The following C12orf42 variants were observed in gnomAD, a reference collection of about 807,000 sequenced individuals.
The protein encoded by C12orf42 is uncharacterized protein C12orf42.
A neutral mutation model predicts 21.6 loss-of-function variants in C12orf42; 25 were observed. That is an observed-to-expected ratio of 1.16 (90% confidence interval 0.84 to 1.62). The LOEUF (loss-of-function observed/expected upper bound fraction) is 1.62. C12orf42 is among the 40% of genes most tolerant of loss of function. The probability of loss-of-function intolerance (pLI) is 0.00; values close to 1 mark genes in which losing one functional copy is unlikely to be tolerated. For synonymous variants in C12orf42, 174 were observed against 175.0 expected, an observed-to-expected ratio of 0.99 and a Z score of 0.05; for missense variants, 483 against 459.3, an observed-to-expected ratio of 1.05 and a Z score of -0.47.
the C12orf42 span, among the ~76,000 whole-genome samples, chr12:103,147,321 C>A: frequency 6.6e-6 from 1 of 151,974 alleles, no homozygotes; most frequent in African/African-American, 2.4e-5. Flanking sequence ...TTTTCTAATT[C>A]AGTTGCCTAG....
intron 2 of C12orf42, among the ~76,000 whole-genome samples, chr12:103,467,163 T>A (rs1230803639): frequency 6.6e-6 from 1 of 152,200 alleles, no homozygotes; most frequent in Non-Finnish European, 1.5e-5. Flanking sequence ...AGCATTCTCC[T>A]TCTCTGTGGA....
intron 4 of C12orf42, among the ~76,000 whole-genome samples, chr12:103,327,130 G>A (rs759970174): frequency 5.3e-5 from 8 of 152,160 alleles, no homozygotes; most frequent in Non-Finnish European, 1.0e-4. Context: ...GAGATCCCAG[G>A]TTCCTGGAAT....
At chr12:103,141,330 C>A in the C12orf42 span, among the ~76,000 whole-genome samples, 1 of 151,782 alleles carries the variant, frequency 6.6e-6, no homozygotes, top group Non-Finnish European at 1.5e-5. Context: ...AGTAAAGAAC[C>A]CCAAATATAA....
chr12:103,306,778 T>A (rs982162593), intron 4 of C12orf42, among the ~76,000 whole-genome samples: 3 of 152,156 alleles, frequency 2.0e-5, no homozygotes, highest in Admixed American at 6.5e-5. Flanking sequence ...TGACCTTATT[T>A]GGAAATAGGG....
At chr12:103,226,460 C>T in the C12orf42 span, among the ~76,000 whole-genome samples, 27 of 152,226 alleles carry the variant, frequency 1.8e-4, no homozygotes, top group South Asian at 1.0e-3. Flanking sequence ...TGCTGCCAAA[C>T]GAGCCATGAA....
At chr12:103,197,258 C>T in the C12orf42 span, among the ~76,000 whole-genome samples, 1 of 152,166 alleles carries the variant, frequency 6.6e-6, no homozygotes, top group Non-Finnish European at 1.5e-5. Context: ...TCTGTTCTGG[C>T]TTGTACAGTT....
chr12:103,226,798 C>T, the C12orf42 span, among the ~76,000 whole-genome samples: 2 of 151,992 alleles, frequency 1.3e-5, no homozygotes, highest in East Asian at 1.9e-4. Flanking sequence ...GACTCAACGA[C>T]GCTTGTGGTT....
intron 4 of C12orf42, among the ~76,000 whole-genome samples, chr12:103,292,264 T>C (rs887608313): frequency 4.6e-5 from 7 of 152,108 alleles, no homozygotes; most frequent in African/African-American, 1.7e-4. Flanking sequence ...GGGCTGGGTG[T>C]TGCAGAGGAA....
the C12orf42 span, among the ~76,000 whole-genome samples, chr12:103,556,658 C>T: frequency 1.3e-5 from 2 of 152,276 alleles, no homozygotes; most frequent in Non-Finnish European, 2.9e-5. Flanking sequence ...AGGGTTCAAA[C>T]TAACAATCTT....
intron 3 of C12orf42, among the ~76,000 whole-genome samples, chr12:103,391,694 T>C (rs1173478963): frequency 6.6e-6 from 1 of 150,906 alleles, no homozygotes; most frequent in Non-Finnish European, 1.5e-5. Context: ...TCACATATAA[T>C]TATATATATA....
intron 4 of C12orf42, among the ~76,000 whole-genome samples, chr12:103,277,408 A>G (rs2035835161): frequency 6.6e-6 from 1 of 152,304 alleles, no homozygotes; most frequent in East Asian, 1.9e-4. Flanking sequence ...AAACTATCGT[A>G]TCTGCTTCTG....
At chr12:103,350,837 C>G (rs897619239) in intron 4 of C12orf42, among the ~76,000 whole-genome samples, 3 of 152,118 alleles carry the variant, frequency 2.0e-5, no homozygotes, top group South Asian at 4.2e-4. Context: ...GTCTGAATAC[C>G]TGGATTTTCA....
At chr12:103,220,698 C>CG in the C12orf42 span, among the ~76,000 whole-genome samples, 1 of 116,830 alleles carries the variant, frequency 8.6e-6, no homozygotes, top group Non-Finnish European at 1.9e-5. Flanking sequence ...AGTCGGCCTC[C>CG]CCCGCTCCCT....
chr12:103,164,071 G>T, the C12orf42 span, among the ~76,000 whole-genome samples: 1 of 152,164 alleles, frequency 6.6e-6, no homozygotes, highest in African/African-American at 2.4e-5. Flanking sequence ...AGTGTTGTAT[G>T]CTCTGTGCTA....
At chr12:103,101,018 T>A in the C12orf42 span, among the ~76,000 whole-genome samples, 1 of 152,180 alleles carries the variant, frequency 6.6e-6, no homozygotes, top group East Asian at 1.9e-4. Context: ...GTTCGAATCC[T>A]GGCTCTTAAA....
intron 1 of C12orf42, 56 bp downstream of exon 1, chr12:103,495,846 C>G (rs542978954): frequency 6.6e-6 from 1 of 152,394 alleles, no homozygotes; most frequent in South Asian, 2.1e-4. Context: ...AGAGAGCAAA[C>G]GGTCCGGCTC....
chr12:103,168,734 A>G, the C12orf42 span, among the ~76,000 whole-genome samples: 1 of 152,188 alleles, frequency 6.6e-6, no homozygotes, highest in Non-Finnish European at 1.5e-5. Context: ...AGCACTATTC[A>G]CAATAGCAAA....
At chr12:103,505,330 C>A in the C12orf42 span, 1 of 271,834 alleles carries the variant, frequency 3.7e-6, no homozygotes, top group South Asian at 3.4e-5. Flanking sequence ...GGGGTTAGTG[C>A]CTTATGCTGG....
At chr12:103,170,869 G>A in the C12orf42 span, among the ~76,000 whole-genome samples, 7 of 152,218 alleles carry the variant, frequency 4.6e-5, no homozygotes, top group Non-Finnish European at 7.4e-5. Context: ...TTAGAGCCTC[G>A]TGATATCTTA....
Sources: allele counts gnomAD v4.1 joint callset (sites outside exome capture counted in the v4.1 genomes callset), GRCh38; gene constraint gnomAD v4.1.1; transcripts MANE v1.5; gene names NCBI Gene and HGNC (gene_info 2026-07-23, HGNC 2026-07-21).